NEDD1: variants seen among roughly 807,000 people sequenced by gnomAD.
NEDD1 encodes NEDD1 gamma-tubulin ring complex targeting factor, also known as protein NEDD1.
In NEDD1, 33 loss-of-function variants were observed where a neutral mutation model predicts 74.0. That is an observed-to-expected ratio of 0.45 (90% CI 0.34 to 0.60). The LOEUF (loss-of-function observed/expected upper bound fraction) is 0.60. Among genes scored for constraint, NEDD1 ranks in the 20% least tolerant of loss-of-function variants. The pLI, the probability that NEDD1 is intolerant of heterozygous loss-of-function variation, is 0.01. For missense variants in NEDD1, 746 were observed against 776.5 expected, an observed-to-expected ratio of 0.96 and a Z score of 0.47; for synonymous variants, 250 against 264.4, an observed-to-expected ratio of 0.95 and a Z score of 0.53.
rs558075187 is a variant in NEDD1 at position 96,945,828 on chromosome 12, A to G, written c.1790A>G (p.Gln597Arg). The part of the protein sequence containing the change: ...IQIRFIQNMI[Q>R]ETLDDFREAC... ...ATTCGTTTTATTCAGAACATGATAC[A>G]GGAAACGTTGGATGACTTTAGGTAG... The change falls in exon 14 of 16, where the codon CAG becomes CGG. Residue 597 changes from glutamine to arginine, a missense_variant. By Grantham distance (43) the Gln-to-Arg change is conservative. This residue lies in a region of NEDD1 where 706 missense variants were observed against 706.7 expected (regional missense o/e 1.00). Coordinates refer to ENST00000266742, the MANE Select transcript of NEDD1 (RefSeq NM_152905.4). 195 of 1,611,228 alleles carry G rather than the reference A, an allele frequency of 1.2e-4. 1 individual carries two copies. In the South Asian group the frequency reaches 1.9e-3, roughly 16 times the overall value.
At chr12:96,940,996 A>G (rs1877610368) in intron 10 of NEDD1, among the ~76,000 whole-genome samples, 1 of 152,058 alleles carries the variant, frequency 6.6e-6, no homozygotes, top group African/African-American at 2.4e-5. Context: ...TAGAAGCATT[A>G]TTTGTTATTC....
At chr12:96,951,106 G>T (rs1285474348) in intron 14 of NEDD1, among the ~76,000 whole-genome samples, 1 of 151,724 alleles carries the variant, frequency 6.6e-6, no homozygotes, top group Non-Finnish European at 1.5e-5. Flanking sequence ...TAAACAGCCT[G>T]GGTTTACATC....
intron 3 of NEDD1, among the ~76,000 whole-genome samples, chr12:96,912,188 G>T (rs182224477): frequency 6.6e-6 from 1 of 151,470 alleles, no homozygotes; most frequent in East Asian, 1.9e-4. Context: ...GCAAGTTACT[G>T]TAATAGTCAT....
In NEDD1 at chr12:96,951,424, C is replaced by T. The variant is rs763471417; in HGVS notation, c.1812-8C>T. 1.3e-6 allele frequency: 2 copies of T among 1,508,162 alleles called. No individual in the cohort carries two copies. Among genetic ancestry groups the T allele is most frequent in the African/African-American group, 1.4e-5 (1 of 72,094 alleles). 93.4% of individuals were successfully genotyped at this position (1,508,162 alleles called of 1,614,324 possible). ...GTAATTCTAAAAAGTATTTTACATT[C>T]TTCCTAGAGAAGCATGCCATAGGGA... On this transcript the variant is annotated splice_region_variant and splice_polypyrimidine_tract_variant and intron_variant, in intron 14 of 15. Transcript: ENST00000266742.
intron 2 of NEDD1, among the ~76,000 whole-genome samples, chr12:96,908,441 G>A (rs1052677784): frequency 6.6e-6 from 1 of 152,150 alleles, no homozygotes; most frequent in African/African-American, 2.4e-5. Flanking sequence ...GTATAATTCT[G>A]TGCCCTCTCC....
chr12:96,948,167 C>T (rs1037385682), intron 14 of NEDD1, among the ~76,000 whole-genome samples: 8 of 152,142 alleles, frequency 5.3e-5, no homozygotes, highest in Non-Finnish European at 1.2e-4. Context: ...CAGTTCTTCT[C>T]TGCTGCCCTA....
chr12:96,931,160 A>T (rs1208888741), intron 6 of NEDD1, among the ~76,000 whole-genome samples: 3 of 152,160 alleles, frequency 2.0e-5, no homozygotes, highest in African/African-American at 4.8e-5. Context: ...GTATGTTCAT[A>T]TGTATGTTAA....
chr12:96,942,797 T>A (rs577996648), intron 11 of NEDD1, among the ~76,000 whole-genome samples, 173 bp downstream of exon 11: 3 of 152,200 alleles, frequency 2.0e-5, no homozygotes, highest in Non-Finnish European at 2.9e-5. Context: ...TGCCTTCAAG[T>A]CTATCTTCCT....
At chr12:96,930,243 T>A (rs7488730) in intron 6 of NEDD1, among the ~76,000 whole-genome samples, 1,925 of 149,760 alleles carry the variant, frequency 0.013, 84 homozygotes, top group East Asian at 0.098. Context: ...TCTCTCTCTC[T>A]CACACTCTCA....
At chr12:96,914,528 G>A (rs1225099277) in intron 4 of NEDD1, among the ~76,000 whole-genome samples, 1 of 152,002 alleles carries the variant, frequency 6.6e-6, no homozygotes, top group Admixed American at 6.6e-5. Flanking sequence ...GAAAATATTT[G>A]GAAACATTGG....
intron 14 of NEDD1, among the ~76,000 whole-genome samples, chr12:96,946,651 C>T (rs1042070776): frequency 3.9e-5 from 6 of 152,156 alleles, no homozygotes; most frequent in Non-Finnish European, 8.8e-5. Context: ...AAGGATACAT[C>T]AAATGATCTG....
Position 96,942,639 on chromosome 12 carries a change from G to T in NEDD1, c.1294+15G>T. On this transcript the variant is annotated intron_variant, in intron 11 of 15. Transcript: ENST00000266742. ...CAAAGGAGATGGTAAGAACTACTTAGAAGTATTTTCGTGAAAATGAAAAGT... is the reference window on the plus strand; with the variant it reads ...CAAAGGAGATGGTAAGAACTACTTATAAGTATTTTCGTGAAAATGAAAAGT... The T allele has an allele frequency of 7.4e-7, 1 of 1,358,656 alleles. No homozygotes were observed. Among genetic ancestry groups the T allele is most frequent in the Non-Finnish European group, 1.1e-6 (1 of 951,136 alleles). The allele number at this position is 1,358,656 out of a possible 1,614,324, so 84.2% of individuals were successfully genotyped here. A position where few individuals can be genotyped will look rare whatever the true frequency, so the allele number is the denominator to read the frequency against.
chr12:96,908,255 A>G (rs73368669), intron 2 of NEDD1, among the ~76,000 whole-genome samples: 191 of 152,318 alleles, frequency 1.3e-3, no homozygotes, highest in African/African-American at 4.5e-3. Flanking sequence ...AGTGAATTAC[A>G]TTAACTTTTT....
rs75007264 is a variant in NEDD1 at position 96,909,915 on chromosome 12, A to AACAC, written c.136+36_136+39dup. On this transcript the variant is annotated intron_variant, in intron 3 of 15. Coordinates refer to ENST00000266742, the MANE Select transcript of NEDD1 (RefSeq NM_152905.4). ...GCAATAGTATCCTTTAAAAAAAAAA[A>AACAC]ACACACACACACACACACAAACCGC... 337 of 1,343,480 alleles carry AACAC rather than the reference A, an allele frequency of 2.5e-4. No individual in the cohort carries two copies. The highest frequency in any genetic ancestry group is 3.3e-4 in the Non-Finnish European group (328 of 990,268). 83.2% of individuals were successfully genotyped at this position (1,343,480 alleles called of 1,614,324 possible).
At chr12:96,943,827 C>T in intron 12 of NEDD1, 65 bp downstream of exon 12, 1 of 993,468 alleles carries the variant, frequency 1.0e-6, no homozygotes, top group Non-Finnish European at 1.6e-6. Context: ...GGGTGGCTGC[C>T]AGTGCATGTA....
At chr12:96,918,811 C>G (rs1448181426) in intron 5 of NEDD1, among the ~76,000 whole-genome samples, 1 of 152,054 alleles carries the variant, frequency 6.6e-6, no homozygotes, top group Non-Finnish European at 1.5e-5. Flanking sequence ...TACATTGGAC[C>G]CCATGTTCTT....
intron 14 of NEDD1, 99 bp downstream of exon 14, chr12:96,945,948 T>C (rs1323863898): frequency 2.8e-6 from 2 of 705,148 alleles, no homozygotes; most frequent in Non-Finnish European, 4.8e-6. Context: ...TACTATTGTC[T>C]AGGTTCTGGT....
Position 96,921,703 on chromosome 12 carries a change from A to G in NEDD1, c.489+1578A>G, listed in dbSNP as rs535974787. ...CTTAGAGAGTCTTACTCTATTGCCT[A>G]TGCTGGAGTGCAGGGGAATGATCAT... On this transcript the variant is annotated intron_variant, in intron 6 of 15. Transcript: ENST00000266742. 4.7e-4 allele frequency among the ~76,000 whole-genome samples: 71 copies of G among 150,424 alleles called. 1 individual carries two copies. The highest frequency in any genetic ancestry group is 2.1e-3 in the Admixed American group (31 of 15,092).
At chr12:96,937,078 A>C in intron 8 of NEDD1, 120 bp from the exon 9 acceptor site, 1 of 576,526 alleles carries the variant, frequency 1.7e-6, no homozygotes, top group Non-Finnish European at 2.8e-6. Flanking sequence ...GTCTGCCAGC[A>C]AGCTTAAGAT....
Sources: allele counts gnomAD v4.1 joint callset (sites outside exome capture counted in the v4.1 genomes callset), GRCh38; gene constraint gnomAD v4.1.1; regional missense constraint gnomAD v4.1.1; transcripts MANE v1.5; gene names NCBI Gene and HGNC (gene_info 2026-07-23, HGNC 2026-07-21).